Variants in NFILZ observed in about 807,000 individuals in gnomAD.
NFILZ encodes the protein NFIL3 like basic leucine zipper.
chr19:8,645,378 A>G (rs2146142574), intron 3 of NFILZ, among the ~76,000 whole-genome samples: 1 of 149,544 alleles, frequency 6.7e-6, no homozygotes, highest in African/African-American at 2.5e-5. Context: ...GCCATAAGCT[A>G]ATCCTCCTGC....
chr19:8,638,988 G>A (rs941813186), intron 3 of NFILZ, among the ~76,000 whole-genome samples: 4 of 151,756 alleles, frequency 2.6e-5, no homozygotes, highest in Non-Finnish European at 5.9e-5. Context: ...GATTACAGGC[G>A]CACACCACCA....
chr19:8,639,555 C>T (rs1273913751), intron 3 of NFILZ, among the ~76,000 whole-genome samples: 1 of 149,020 alleles, frequency 6.7e-6, no homozygotes, highest in African/African-American at 2.5e-5. Context: ...CGCACCACAG[C>T]AATACAGCCT....
intron 3 of NFILZ, among the ~76,000 whole-genome samples, chr19:8,663,766 G>GTGTATGTGTGTA (rs1600152015): frequency 1.3e-5 from 2 of 150,634 alleles, no homozygotes; most frequent in African/African-American, 4.9e-5. Context: ...GTGTGTGTGT[G>GTGTATGTGTGTA]TGTGTATGTA....
chr19:8,642,128 C>A (rs1281796870), intron 3 of NFILZ, among the ~76,000 whole-genome samples: 3 of 152,068 alleles, frequency 2.0e-5, no homozygotes, highest in Non-Finnish European at 2.9e-5. Context: ...AAGTGTGAAG[C>A]CACCATGCCT....
At chr19:8,651,348 G>GAA (rs782140735) in intron 3 of NFILZ, among the ~76,000 whole-genome samples, 1 of 152,170 alleles carries the variant, frequency 6.6e-6, no homozygotes, top group South Asian at 2.1e-4. Context: ...TTTTAGTAGA[G>GAA]ACGGGGCTTC....
At position 8,647,795 on chromosome 19, in the gene NFILZ, GCACACACACA is replaced by G. The variant is rs879996864; in HGVS notation, c.-164+12082_-164+12091del. 4.5e-3 allele frequency among the ~76,000 whole-genome samples: 343 copies of G among 76,314 alleles called. 6 individuals carry two copies. The highest frequency in any genetic ancestry group is 0.017 in the African/African-American group (317 of 18,622). 50.1% of individuals were successfully genotyped at this position (76,314 alleles called of 152,430 possible). ...CGCACACATGCGCGCGCGCGCGCGC[GCACACACACA>G]CACACACACACACACACACACACAC... On this transcript the variant is annotated intron_variant, in intron 3 of 5. Coordinates refer to ENST00000691075, the MANE Select transcript of NFILZ (RefSeq NM_001378600.1).
chr19:8,667,706 C>T (rs1444988702), intron 3 of NFILZ, among the ~76,000 whole-genome samples: 7 of 152,050 alleles, frequency 4.6e-5, no homozygotes, highest in East Asian at 1.9e-4. Context: ...CACCACTACC[C>T]GGCTAATTTT....
intron 3 of NFILZ, among the ~76,000 whole-genome samples, chr19:8,668,335 G>A (rs2043072063): frequency 6.6e-6 from 1 of 152,042 alleles, no homozygotes; most frequent in African/African-American, 2.4e-5. Flanking sequence ...TCTGTGGTTG[G>A]TTGAATCCAT....
In NFILZ at chr19:8,635,668, G is replaced by A. The variant is rs1023201286; in HGVS notation, c.-242G>A. On this transcript the variant is annotated 5_prime_UTR_variant, in exon 3 of 6. Transcript: ENST00000691075. ...TTGACAGACACGTGAGTTGTTTCCA[G>A]TTTTGGTGACGAATGCCCAAATTCA... is the stretch of plus-strand genomic sequence containing the variant. The A allele has an allele frequency of 6.6e-6, 1 of 152,130 alleles. No homozygotes were observed. Among genetic ancestry groups the A allele is most frequent in the African/African-American group, 2.4e-5 (1 of 41,424 alleles). The allele number at this position is 152,130 out of a possible 1,614,324, so 9.4% of individuals were successfully genotyped here.
intron 3 of NFILZ, among the ~76,000 whole-genome samples, chr19:8,651,557 G>C (rs1356402071): frequency 6.9e-6 from 1 of 144,210 alleles, no homozygotes; most frequent in Non-Finnish European, 1.5e-5. Flanking sequence ...TTAGAGACAG[G>C]GTCTCGCTCT....
rs57666170 is a variant in NFILZ, at chr19:8,659,259, A to T, written c.-163-15292A>T. On this transcript the variant is annotated intron_variant, in intron 3 of 5. Transcript: ENST00000691075. ...GGAGACTCCATCTCAAAAAAAAAAAATTTTTTTTTAAAAAGAAAGAGACAT... is the reference window on the plus strand; with the variant it reads ...GGAGACTCCATCTCAAAAAAAAAAATTTTTTTTTTAAAAAGAAAGAGACAT... Among the ~76,000 whole-genome samples, 716 of 147,708 alleles carry T rather than the reference A, an allele frequency of 4.8e-3. 2 individuals carry two copies. The highest frequency in any genetic ancestry group is 0.017 in the African/African-American group (671 of 39,280).
At chr19:8,639,981 G>T (rs1307897205) in intron 3 of NFILZ, among the ~76,000 whole-genome samples, 1 of 152,174 alleles carries the variant, frequency 6.6e-6, no homozygotes, top group Non-Finnish European at 1.5e-5. Flanking sequence ...TTGTATAACA[G>T]ATGTTACCCA....
At chr19:8,656,206 C>T (rs1342949012) in intron 3 of NFILZ, among the ~76,000 whole-genome samples, 1 of 147,444 alleles carries the variant, frequency 6.8e-6, no homozygotes, top group African/African-American at 2.5e-5. Context: ...AGCCAGTGTT[C>T]TCCCTGCAGC....
chr19:8,638,292 C>T (rs953559401), intron 3 of NFILZ, among the ~76,000 whole-genome samples: 5 of 152,124 alleles, frequency 3.3e-5, no homozygotes, highest in Admixed American at 6.6e-5. Context: ...TTTACACGTG[C>T]GTTCATGAGT....
intron 3 of NFILZ, among the ~76,000 whole-genome samples, chr19:8,662,444 A>C (rs2043036017): frequency 6.6e-6 from 1 of 151,996 alleles, no homozygotes; most frequent in East Asian, 1.9e-4. Flanking sequence ...TTCCTGGCAG[A>C]GGGAACAGCC....
intron 3 of NFILZ, among the ~76,000 whole-genome samples, chr19:8,673,036 C>T (rs2146172648): frequency 6.6e-6 from 1 of 151,826 alleles, no homozygotes; most frequent in East Asian, 1.9e-4. Flanking sequence ...GCTGTGGGGA[C>T]TGGAGAGAGG....
intron 3 of NFILZ, among the ~76,000 whole-genome samples, chr19:8,658,915 A>C (rs2043017051): frequency 6.6e-6 from 1 of 152,048 alleles, no homozygotes; most frequent in Non-Finnish European, 1.5e-5. Context: ...GCACCACTGC[A>C]CTCCAGCCTG....
intron 3 of NFILZ, among the ~76,000 whole-genome samples, chr19:8,663,748 G>GTGTGTGTATGTGTA (rs2043046784): frequency 7.2e-6 from 1 of 139,376 alleles, no homozygotes; most frequent in Non-Finnish European, 1.5e-5. Flanking sequence ...GTGTGTGTGT[G>GTGTGTGTATGTGTA]TGTGTGTGTG....
chr19:8,631,264 C>T (rs781865362), intron 1 of NFILZ, among the ~76,000 whole-genome samples: 3 of 152,074 alleles, frequency 2.0e-5, no homozygotes, highest in East Asian at 3.9e-4. Flanking sequence ...TCCCAGGACC[C>T]GGGCACTGAG....
Sources: gnomAD v4.1 joint callset for allele counts (sites outside exome capture counted in the v4.1 genomes callset) on GRCh38, gnomAD v4.1.1 for gene constraint, MANE v1.5 for transcripts, NCBI Gene and HGNC (gene_info 2026-07-23, HGNC 2026-07-21) for gene names.